ATP2C2: variants seen among roughly 807,000 people sequenced by gnomAD.
ATP2C2 encodes calcium-transporting ATPase type 2C member 2.
In ATP2C2, 171 loss-of-function variants were observed where a neutral mutation model predicts 110.8. That is an observed-to-expected ratio of 1.54 (90% CI 1.36 to 1.75). ATP2C2 has a LOEUF of 1.75. Among genes scored for constraint, ATP2C2 ranks in the 40% most tolerant of loss-of-function variants. The pLI is 0.00. For missense variants in ATP2C2, 1,963 were observed against 1,235.0 expected (o/e 1.59, Z -8.84); for synonymous variants, 804 against 508.4 (o/e 1.58, Z -7.82).
At chr16:84,388,718 C>A (rs115525210) in intron 1 of ATP2C2, among the ~76,000 whole-genome samples, 1 of 152,176 alleles carries the variant, frequency 6.6e-6, no homozygotes, top group Admixed American at 6.6e-5. Context: ...CCAAAGGCAT[C>A]GATCCCAATA....
intron 16 of ATP2C2, among the ~76,000 whole-genome samples, chr16:84,446,857 G>A (rs1348972409): frequency 6.6e-6 from 1 of 152,110 alleles, no homozygotes; most frequent in East Asian, 1.9e-4. Flanking sequence ...CAACTTGCCA[G>A]TCCTCTCTTT....
intron 1 of ATP2C2, among the ~76,000 whole-genome samples, chr16:84,392,334 C>A (rs907777967): frequency 6.6e-6 from 1 of 151,986 alleles, no homozygotes; most frequent in Non-Finnish European, 1.5e-5. Context: ...AAATATTGGC[C>A]AATATTGAGG....
intron 1 of ATP2C2, among the ~76,000 whole-genome samples, chr16:84,377,436 A>G (rs961749792): frequency 2.0e-5 from 3 of 151,986 alleles, no homozygotes; most frequent in Admixed American, 6.6e-5. Context: ...CAGCTCATTT[A>G]TTGTCTCAGT....
rs759777409 is a variant in ATP2C2 at position 84,405,151 on chromosome 16, G to A, written c.234G>A (p.Ser78=). The part of the protein sequence containing the change: ...AFCVDLHTGL[S]EFSVTQRRLA... Reference sequence around the variant, plus strand: ...AGGTGGACTTACACACTGGGCTGTCGGAGTTCTCGGTGACGCAGCGCCGGC... The same window carrying A: ...AGGTGGACTTACACACTGGGCTGTCAGAGTTCTCGGTGACGCAGCGCCGGC... The change falls in exon 3 of 27, where the codon TCG becomes TCA. Residue 78 remains serine, a synonymous_variant. Coordinates refer to ENST00000262429, the MANE Select transcript of ATP2C2 (RefSeq NM_014861.4). The A allele has an allele frequency of 2.5e-5, 41 of 1,613,916 alleles. No homozygotes were observed. The highest frequency in any genetic ancestry group is 5.3e-5 in the African/African-American group (4 of 74,878).
chr16:84,369,673 A>G (rs905158767), intron 1 of ATP2C2, among the ~76,000 whole-genome samples: 1 of 152,252 alleles, frequency 6.6e-6, no homozygotes, highest in African/African-American at 2.4e-5. Context: ...AGCTGAAAAA[A>G]TATTTGACTT....
At chr16:84,430,004 C>T (rs1393581649) in intron 11 of ATP2C2, among the ~76,000 whole-genome samples, 2 of 152,096 alleles carry the variant, frequency 1.3e-5, no homozygotes, top group African/African-American at 2.4e-5. Flanking sequence ...ATGGTCTCCT[C>T]CTCTGTCTCT....
chr16:84,391,113 C>CAAAAAAAAAAAAAAAA (rs567509863), intron 1 of ATP2C2, among the ~76,000 whole-genome samples: 1 of 73,284 alleles, frequency 1.4e-5, no homozygotes, highest in Non-Finnish European at 2.4e-5. Flanking sequence ...GACTCAGACT[C>CAAAAAAAAAAAAAAAA]AAAAAAAAAA....
chr16:84,368,908 A>C (rs2151390826), intron 1 of ATP2C2, among the ~76,000 whole-genome samples, 194 bp downstream of exon 1: 1 of 152,294 alleles, frequency 6.6e-6, no homozygotes, highest in East Asian at 1.9e-4. Flanking sequence ...TCAGCATGGA[A>C]CCCTCACGTG....
chr16:84,370,531 A>T (rs71404167), intron 1 of ATP2C2, among the ~76,000 whole-genome samples: 1 of 151,720 alleles, frequency 6.6e-6, no homozygotes, highest in African/African-American at 2.4e-5. Context: ...TGGGCGAGGC[A>T]CTCACTTCCT....
Position 84,448,387 on chromosome 16 carries a change from C to A in ATP2C2, c.1504-146C>A. ...TAGAACTTCGCGAACCTGTCCAGCACCTGTGAACAGCACCAGCCTATGATA... is the reference window on the plus strand; with the variant it reads ...TAGAACTTCGCGAACCTGTCCAGCAACTGTGAACAGCACCAGCCTATGATA... On this transcript the variant is annotated intron_variant, in intron 16 of 26. Transcript: ENST00000262429. The A allele has an allele frequency of 6.8e-6, 7 of 1,022,816 alleles. No homozygotes were observed. In the South Asian group the frequency reaches 1.3e-4, roughly 20 times the overall value. The allele number at this position is 1,022,816 out of a possible 1,614,324, so 63.4% of individuals were successfully genotyped here. A position where few individuals can be genotyped will look rare whatever the true frequency, so the allele number is the denominator to read the frequency against.
chr16:84,464,088 G>T lies in ATP2C2; in HGVS notation c.*356G>T, dbSNP rs1458001338. The T allele has an allele frequency of 5.3e-6, 1 of 187,958 alleles. No homozygotes were observed. Among genetic ancestry groups the T allele is most frequent in the African/African-American group, 2.3e-5 (1 of 42,858 alleles). 11.6% of individuals were successfully genotyped at this position (187,958 alleles called of 1,614,324 possible). On this transcript the variant is annotated 3_prime_UTR_variant, in exon 27 of 27. Coordinates refer to ENST00000262429, the MANE Select transcript of ATP2C2 (RefSeq NM_014861.4). Reference sequence around the variant, plus strand: ...ACAAGGGGCTCCTGAGAGGCAGTGGGTAGGATGGTCACACTCTGCCCATTG... The same window carrying T: ...ACAAGGGGCTCCTGAGAGGCAGTGGTTAGGATGGTCACACTCTGCCCATTG...
chr16:84,448,248 A>C (rs1175034170), intron 16 of ATP2C2, among the ~76,000 whole-genome samples: 1 of 151,108 alleles, frequency 6.6e-6, no homozygotes, highest in African/African-American at 2.5e-5. Flanking sequence ...CATGAAACAT[A>C]CAAGACGCTC....
At chr16:84,460,884 C>G (rs1764707209) in intron 24 of ATP2C2, 83 bp downstream of exon 24, 1 of 1,487,454 alleles carries the variant, frequency 6.7e-7, no homozygotes, top group South Asian at 1.3e-5. Context: ...CCTCCTGCCA[C>G]AGCTCACATC....
chr16:84,425,698 G>A (rs1430921803), intron 10 of ATP2C2, 37 bp from the exon 11 acceptor site: 1 of 1,603,694 alleles, frequency 6.2e-7, no homozygotes, highest in African/African-American at 1.3e-5. Flanking sequence ...CGTGTGTAGT[G>A]CATATGGAGA....
At chr16:84,460,544 G>T (rs939271168) in intron 23 of ATP2C2, 110 bp from the exon 24 acceptor site, 2 of 1,492,918 alleles carry the variant, frequency 1.3e-6, no homozygotes, top group Non-Finnish European at 1.9e-6. Context: ...CAAATGCCTG[G>T]CCCTGCCCCC....
Position 84,448,550 on chromosome 16 carries a change from C to T in ATP2C2, c.1521C>T (p.Tyr507=). The T allele has an allele frequency of 1.2e-6, 2 of 1,612,378 alleles. No homozygotes were observed. Among genetic ancestry groups the T allele is most frequent in the Non-Finnish European group, 1.7e-6 (2 of 1,178,998 alleles). The change falls in exon 17 of 27, where the codon TAC becomes TAT. Residue 507 remains tyrosine (Y), a synonymous_variant. Coordinates refer to ENST00000262429, the MANE Select transcript of ATP2C2 (RefSeq NM_014861.4). ...TTTCTAAGGATCAGGAAGACATTTACTTCATGAAAGGGGCCTTGGAAGAGG... is the reference window on the plus strand; with the variant it reads ...TTTCTAAGGATCAGGAAGACATTTATTTCATGAAAGGGGCCTTGGAAGAGG... ...SLKTEDQEDI[Y]FMKGALEEVI... is the part of the protein sequence containing the mutation.
intron 11 of ATP2C2, among the ~76,000 whole-genome samples, chr16:84,429,239 T>C (rs11646742): frequency 0.37 from 56,705 of 151,860 alleles, 10,741 homozygotes; most frequent in South Asian, 0.4. Flanking sequence ...GCAATCTCCA[T>C]CTCCCAGGTT....
At chr16:84,412,940 T>TA (rs34299175) in intron 6 of ATP2C2, among the ~76,000 whole-genome samples, 79 of 150,876 alleles carry the variant, frequency 5.2e-4, no homozygotes, top group South Asian at 5.0e-3. Flanking sequence ...TACTAAAAAT[T>TA]AAAAAAAAAT....
intron 1 of ATP2C2, among the ~76,000 whole-genome samples, chr16:84,390,677 G>A (rs549408825): frequency 1.3e-5 from 2 of 152,274 alleles, no homozygotes; most frequent in South Asian, 2.1e-4. Flanking sequence ...TCTGGCGGGC[G>A]GTGAAAGTGT....
Sources: allele counts gnomAD v4.1 joint callset (sites outside exome capture counted in the v4.1 genomes callset), GRCh38; gene constraint gnomAD v4.1.1; transcripts MANE v1.5; gene names NCBI Gene and HGNC (gene_info 2026-07-23, HGNC 2026-07-21).